Variants in APH1B observed in about 807,000 individuals in gnomAD.
APH1B encodes the protein gamma-secretase subunit APH-1B.
APH1B carries 27 observed loss-of-function variants against 28.2 expected under a neutral mutation model. The observed-to-expected ratio is 0.96, with a 90% confidence interval of 0.70 to 1.32. The LOEUF (loss-of-function observed/expected upper bound fraction) is 1.32, where lower values mean the gene tolerates loss of function less well. Among genes scored for constraint, APH1B ranks in the 40% most tolerant of loss-of-function variants. The pLI is 0.00. For synonymous variants in APH1B, 141 were observed against 124.6 expected, an observed-to-expected ratio of 1.13 and a Z score of -0.88; for missense variants, 305 against 313.6, an observed-to-expected ratio of 0.97 and a Z score of 0.21.
chr15:63,294,605 G>A (rs2038544723), intron 4 of APH1B, among the ~76,000 whole-genome samples: 1 of 152,180 alleles, frequency 6.6e-6, no homozygotes, highest in Non-Finnish European at 1.5e-5. Flanking sequence ...CACTTACTGT[G>A]CAGTGTTCCA....
chr15:63,296,523 G>T (rs972599820), intron 4 of APH1B, among the ~76,000 whole-genome samples: 4 of 152,160 alleles, frequency 2.6e-5, no homozygotes, highest in Non-Finnish European at 4.4e-5. Flanking sequence ...CATTAGCTTT[G>T]CAAGGACAGA....
At position 63,305,613 on chromosome 15, in the gene APH1B, G is replaced by A. The variant is rs2038678023; in HGVS notation, c.607-1G>A. On this transcript the variant is annotated splice_acceptor_variant, in intron 5 of 5. Coordinates refer to ENST00000261879, the MANE Select transcript of APH1B (RefSeq NM_031301.4). LOFTEE classifies it high-confidence loss of function. ...CAAGCTGATTTATTTTTCTTTTGCA[G>A]ACCTTCATAAGTTCTTATTATGGAA... is the stretch of plus-strand genomic sequence containing the variant. 6.2e-7 allele frequency: 1 copy of A among 1,613,724 alleles called. No individual in the cohort carries two copies. Among genetic ancestry groups the A allele is most frequent in the Non-Finnish European group, 8.5e-7 (1 of 1,179,980 alleles).
intron 4 of APH1B, among the ~76,000 whole-genome samples, chr15:63,295,207 G>A (rs1360816202): frequency 2.0e-5 from 3 of 152,182 alleles, no homozygotes; most frequent in Non-Finnish European, 4.4e-5. Context: ...AACTATTCTA[G>A]GCTAGAGACA....
intron 4 of APH1B, among the ~76,000 whole-genome samples, chr15:63,290,105 C>T (rs943333275): frequency 6.6e-6 from 1 of 152,004 alleles, no homozygotes; most frequent in Non-Finnish European, 1.5e-5. Flanking sequence ...ATTTGAAACA[C>T]TTCTGGTCCC....
chr15:63,279,905 C>T (rs2038367765), intron 2 of APH1B, among the ~76,000 whole-genome samples: 1 of 151,080 alleles, frequency 6.6e-6, no homozygotes. Flanking sequence ...TCAAGCGATT[C>T]TCCTGCCTCA....
intron 5 of APH1B, among the ~76,000 whole-genome samples, chr15:63,303,264 A>G (rs538409485): frequency 1.3e-5 from 2 of 152,298 alleles, no homozygotes; most frequent in East Asian, 3.9e-4. Flanking sequence ...TCGACCAGTC[A>G]CTGCCCCCAC....
intron 4 of APH1B, among the ~76,000 whole-genome samples, chr15:63,295,185 T>C (rs2038551838): frequency 6.6e-6 from 1 of 152,280 alleles, no homozygotes; most frequent in South Asian, 2.1e-4. Context: ...ATGGTAAATC[T>C]GATTTTGCTG....
intron 2 of APH1B, among the ~76,000 whole-genome samples, chr15:63,284,187 T>G (rs2038420825): frequency 6.6e-6 from 1 of 152,066 alleles, no homozygotes; most frequent in East Asian, 1.9e-4. Flanking sequence ...TTATGAAGTA[T>G]TATATACTGT....
At position 63,308,436 on chromosome 15, in the gene APH1B, A is replaced by G. The variant is rs1338648386; in HGVS notation, c.*2655A>G. ...TTAGAGCATCTTAATGAAAACATGG[A>G]TGAAAGGAATTAATGATGATATCTG... On this transcript the variant is annotated 3_prime_UTR_variant, in exon 6 of 6. Coordinates refer to ENST00000261879, the MANE Select transcript of APH1B (RefSeq NM_031301.4). 1 of 152,202 alleles carries G rather than the reference A, an allele frequency of 6.6e-6. No homozygotes were observed. Among genetic ancestry groups the G allele is most frequent in the Non-Finnish European group, 1.5e-5 (1 of 68,026 alleles). 9.4% of individuals were successfully genotyped at this position (152,202 alleles called of 1,614,324 possible).
At chr15:63,303,870 ACACAAC>A (rs916939694) in intron 5 of APH1B, among the ~76,000 whole-genome samples, 23 of 70,458 alleles carry the variant, frequency 3.3e-4, no homozygotes, top group African/African-American at 9.2e-4. Flanking sequence ...ACACACACAC[ACACAAC>A]ACACACACAC....
intron 4 of APH1B, among the ~76,000 whole-genome samples, chr15:63,290,994 T>C (rs1480409334): frequency 1.3e-5 from 2 of 152,150 alleles, no homozygotes; most frequent in African/African-American, 2.4e-5. Flanking sequence ...CCTCCAGGCC[T>C]GGAGGTAAGA....
chr15:63,302,598 A>G (rs1217100368), intron 5 of APH1B, 126 bp downstream of exon 5: 2 of 1,311,332 alleles, frequency 1.5e-6, no homozygotes, highest in African/African-American at 1.5e-5. Flanking sequence ...AAGCTATTTA[A>G]GTGAATGAAT....
intron 4 of APH1B, among the ~76,000 whole-genome samples, chr15:63,288,574 A>T (rs984816259): frequency 2.0e-5 from 3 of 152,162 alleles, no homozygotes; most frequent in Non-Finnish European, 2.9e-5. Context: ...CAACTACCTA[A>T]CTAATCTTCC....
In APH1B at chr15:63,306,160, T is replaced by A. The variant is rs1297086712; in HGVS notation, c.*379T>A. 2 of 176,474 alleles carry A rather than the reference T, an allele frequency of 1.1e-5. No homozygotes were observed. Among genetic ancestry groups the A allele is most frequent in the Non-Finnish European group, 2.4e-5 (2 of 83,320 alleles). 10.9% of individuals were successfully genotyped at this position (176,474 alleles called of 1,614,324 possible). On this transcript the variant is annotated 3_prime_UTR_variant, in exon 6 of 6. Coordinates refer to ENST00000261879, the MANE Select transcript of APH1B (RefSeq NM_031301.4). The stretch of plus-strand genomic sequence containing the variant: ...AGAACACCTTAAGTGGATGAGAATC[T>A]GGTCTTTAGCTGTCTCCTAACTCAA...
At chr15:63,295,205 T>C (rs1368086614) in intron 4 of APH1B, among the ~76,000 whole-genome samples, 1 of 152,250 alleles carries the variant, frequency 6.6e-6, no homozygotes, top group Non-Finnish European at 1.5e-5. Context: ...GAAACTATTC[T>C]AGGCTAGAGA....
Position 63,281,563 on chromosome 15 carries a change from A to C in APH1B, c.284+2232A>C, listed in dbSNP as rs184350118. Reference sequence around the variant, plus strand: ...AAAAAAAAAAAAAACAAAAAAAAACACAATTTCTAATACAGAATTTAAAGT... The same window carrying C: ...AAAAAAAAAAAAAACAAAAAAAAACCCAATTTCTAATACAGAATTTAAAGT... On this transcript the variant is annotated intron_variant, in intron 2 of 5. Coordinates refer to ENST00000261879, the MANE Select transcript of APH1B (RefSeq NM_031301.4). 1.3e-3 allele frequency among the ~76,000 whole-genome samples: 192 copies of C among 151,652 alleles called. 1 individual carries two copies. Among genetic ancestry groups the C allele is most frequent in the African/African-American group, 4.3e-3 (178 of 41,362 alleles).
At chr15:63,286,772 C>A in intron 3 of APH1B, 144 bp downstream of exon 3, 1 of 707,484 alleles carries the variant, frequency 1.4e-6, no homozygotes, top group Non-Finnish European at 2.2e-6. Context: ...TTATTATCCC[C>A]GTCTTCCAGG....
At chr15:63,278,967 C>G (rs747113927) in intron 1 of APH1B, among the ~76,000 whole-genome samples, 194 bp from the exon 2 acceptor site, 1 of 152,162 alleles carries the variant, frequency 6.6e-6, no homozygotes, top group Non-Finnish European at 1.5e-5. Context: ...CTCTTGGACA[C>G]GTTTGTCTCA....
intron 4 of APH1B, among the ~76,000 whole-genome samples, 171 bp from the exon 5 acceptor site, chr15:63,302,174 C>T (rs2038636636): frequency 2.0e-5 from 3 of 152,048 alleles, no homozygotes; most frequent in Admixed American, 2.0e-4. Flanking sequence ...GCAGTCAGTC[C>T]CCTGTTCCGC....
Sources: allele counts gnomAD v4.1 joint callset (sites outside exome capture counted in the v4.1 genomes callset), GRCh38; gene constraint gnomAD v4.1.1; transcripts MANE v1.5; gene names NCBI Gene and HGNC (gene_info 2026-07-23, HGNC 2026-07-21).